Variants in SDK1 observed in about 807,000 individuals in gnomAD.
SDK1 encodes protein sidekick-1.
SDK1 carries 157 observed loss-of-function variants against 245.5 expected under a neutral mutation model. The observed-to-expected ratio is 0.64, with a 90% CI of 0.56 to 0.73. The LOEUF (loss-of-function observed/expected upper bound fraction) is 0.73, where lower values mean the gene tolerates loss of function less well. Among genes scored for constraint, SDK1 ranks in the 30% least tolerant of loss-of-function variants. The pLI, the probability that SDK1 is intolerant of heterozygous loss-of-function variation, is 0.00. For synonymous variants in SDK1, 1,647 were observed against 1,278.5 expected (o/e 1.29, Z -6.15); for missense variants, 3,583 against 3,002.3 (o/e 1.19, Z -4.52).
chr7:4,130,220 G>T, intron 27 of SDK1, 123 bp downstream of exon 27: 1 of 1,148,836 alleles, frequency 8.7e-7, no homozygotes, highest in Non-Finnish European at 1.2e-6. Context: ...TTGCAGTTGA[G>T]GGAAACAAAA....
intron 9 of SDK1, among the ~76,000 whole-genome samples, chr7:3,966,136 C>G (rs944231136): frequency 6.6e-6 from 1 of 151,986 alleles, no homozygotes; most frequent in Non-Finnish European, 1.5e-5. Flanking sequence ...AGTGTTGAGA[C>G]CTGTTAGGGG....
chr7:4,038,991 A>G (rs1788407832), intron 17 of SDK1, among the ~76,000 whole-genome samples: 1 of 152,184 alleles, frequency 6.6e-6, no homozygotes, highest in Admixed American at 6.5e-5. Flanking sequence ...CCTGAGTAGC[A>G]ACTTTTTTTA....
At chr7:3,564,040 C>T (rs1227294744) in intron 1 of SDK1, among the ~76,000 whole-genome samples, 1 of 151,850 alleles carries the variant, frequency 6.6e-6, no homozygotes, top group Non-Finnish European at 1.5e-5. Context: ...GGATGTAGTT[C>T]AAGCAGTACT....
intron 19 of SDK1, among the ~76,000 whole-genome samples, 197 bp downstream of exon 19, chr7:4,052,027 A>C (rs927754539): frequency 6.6e-6 from 1 of 152,040 alleles, no homozygotes; most frequent in African/African-American, 2.4e-5. Context: ...TGGACAGTGG[A>C]GGGTGGCCTT....
At chr7:3,505,310 G>C (rs1169079699) in intron 1 of SDK1, among the ~76,000 whole-genome samples, 1 of 152,106 alleles carries the variant, frequency 6.6e-6, no homozygotes, top group African/African-American at 2.4e-5. Context: ...GCAGTTGCAT[G>C]ATGAGAGGTA....
At chr7:3,747,031 C>T (rs905287563) in intron 4 of SDK1, among the ~76,000 whole-genome samples, 1 of 152,206 alleles carries the variant, frequency 6.6e-6, no homozygotes, top group Non-Finnish European at 1.5e-5. Context: ...GTCAAATTTA[C>T]TCCTTGATTC....
chr7:3,522,075 T>C (rs1583993135), intron 1 of SDK1, among the ~76,000 whole-genome samples: 1 of 152,228 alleles, frequency 6.6e-6, no homozygotes, highest in Admixed American at 6.5e-5. Flanking sequence ...TTGTTACCAT[T>C]TCAAAACATA....
chr7:3,943,243 G>A (rs1299972507), intron 5 of SDK1, among the ~76,000 whole-genome samples: 2 of 148,420 alleles, frequency 1.3e-5, no homozygotes. Flanking sequence ...TGTAACAAAA[G>A]TGGGGGAGCA....
intron 25 of SDK1, among the ~76,000 whole-genome samples, chr7:4,114,504 C>T (rs957086726): frequency 3.3e-5 from 5 of 152,124 alleles, no homozygotes; most frequent in African/African-American, 4.8e-5. Flanking sequence ...AACAGGGGAT[C>T]GACTCACATT....
At chr7:3,858,385 C>T (rs564221482) in intron 5 of SDK1, among the ~76,000 whole-genome samples, 3 of 151,086 alleles carry the variant, frequency 2.0e-5, no homozygotes, top group Admixed American at 2.0e-4. Context: ...GACCCCATCT[C>T]AAAAAAACAA....
intron 44 of SDK1, among the ~76,000 whole-genome samples, chr7:4,255,454 C>G (rs950192629): frequency 4.6e-5 from 7 of 152,326 alleles, no homozygotes; most frequent in African/African-American, 4.8e-5. Context: ...AGGGCAGTCC[C>G]TGGACTTTTG....
chr7:3,632,124 C>G (rs915642192), intron 2 of SDK1, among the ~76,000 whole-genome samples: 1 of 152,150 alleles, frequency 6.6e-6, no homozygotes, highest in Non-Finnish European at 1.5e-5. Context: ...AGGCAATGTC[C>G]TCTTTCCTGA....
intron 34 of SDK1, 125 bp from the exon 35 acceptor site, chr7:4,178,360 T>G: frequency 1.4e-6 from 1 of 736,166 alleles, no homozygotes; most frequent in Non-Finnish European, 2.4e-6. Context: ...TTCACAGATT[T>G]CTAACAATCC....
chr7:3,735,087 A>G (rs1779281528), intron 4 of SDK1, among the ~76,000 whole-genome samples: 1 of 152,180 alleles, frequency 6.6e-6, no homozygotes, highest in Admixed American at 6.5e-5. Flanking sequence ...CTCCAGAATC[A>G]TAGGGCAGGA....
At chr7:3,415,485 A>AAAAAC (rs1275642518) in intron 1 of SDK1, among the ~76,000 whole-genome samples, 3 of 152,224 alleles carry the variant, frequency 2.0e-5, no homozygotes, top group South Asian at 4.2e-4. Flanking sequence ...AAAATGATTA[A>AAAAAC]AAAACAATGA....
At chr7:3,467,477 A>G (rs6969524) in intron 1 of SDK1, among the ~76,000 whole-genome samples, 5,731 of 152,136 alleles carry the variant, frequency 0.038, 337 homozygotes, top group African/African-American at 0.12. Flanking sequence ...ATAACCCAGT[A>G]AAACAGGATT....
At chr7:3,377,471 G>A (rs564061830) in intron 1 of SDK1, among the ~76,000 whole-genome samples, 2 of 152,122 alleles carry the variant, frequency 1.3e-5, no homozygotes, top group Admixed American at 6.5e-5. Context: ...TGCTGTTTGG[G>A]TGGGGAAAGC....
At chr7:3,588,065 G>T (rs1446440544) in intron 1 of SDK1, among the ~76,000 whole-genome samples, 1 of 152,190 alleles carries the variant, frequency 6.6e-6, no homozygotes, top group African/African-American at 2.4e-5. Flanking sequence ...GCATTTCAAG[G>T]AATCCTAGGT....
At position 3,432,686 on chromosome 7, in the gene SDK1, G is replaced by A. The variant is rs910694311; in HGVS notation, c.298+130802G>A. Among the ~76,000 whole-genome samples the A allele has an allele frequency of 3.3e-5, 5 of 152,272 alleles. No homozygotes were observed. In the South Asian group the frequency reaches 1.0e-3, roughly 32 times the overall value. ...GTTTGCTGTCTTCCCAGTGTAGACT[G>A]TAGCCTGCACTGTCATAGAAGAGTG... On this transcript the variant is annotated intron_variant, in intron 1 of 44. Coordinates refer to ENST00000404826, the MANE Select transcript of SDK1 (RefSeq NM_152744.4).
Sources: gnomAD v4.1 joint callset for allele counts (sites outside exome capture counted in the v4.1 genomes callset) on GRCh38, gnomAD v4.1.1 for gene constraint, MANE v1.5 for transcripts, NCBI Gene and HGNC (gene_info 2026-07-23, HGNC 2026-07-21) for gene names.